GARRE1: variants seen among roughly 807,000 people sequenced by gnomAD.
GARRE1 encodes granule associated Rac and RHOG effector 1.
GARRE1 carries 49 observed loss-of-function variants against 103.2 expected under a neutral mutation model. That is an observed-to-expected ratio of 0.47 (90% CI 0.38 to 0.60). The LOEUF (loss-of-function observed/expected upper bound fraction) is 0.60. GARRE1 is among the 20% of genes least tolerant of loss of function. The pLI, the probability that GARRE1 is intolerant of heterozygous loss-of-function variation, is 0.00. For missense variants in GARRE1, 1,199 were observed against 1,370.5 expected, an observed-to-expected ratio of 0.87 and a Z score of 1.98; for synonymous variants, 505 against 532.8, an observed-to-expected ratio of 0.95 and a Z score of 0.72.
At chr19:34,269,800 GA>G (rs908208876) in intron 1 of GARRE1, among the ~76,000 whole-genome samples, 3 of 152,140 alleles carry the variant, frequency 2.0e-5, no homozygotes, top group African/African-American at 7.2e-5. Context: ...CCTTTTCATT[GA>G]TATTTTTTAC....
intron 1 of GARRE1, among the ~76,000 whole-genome samples, chr19:34,290,492 C>A (rs904190984): frequency 6.6e-6 from 1 of 152,044 alleles, no homozygotes; most frequent in Admixed American, 6.6e-5. Context: ...ACCACAAAGC[C>A]TTTTTTTCTC....
At chr19:34,266,520 C>T (rs558548860) in intron 1 of GARRE1, among the ~76,000 whole-genome samples, 1 of 152,238 alleles carries the variant, frequency 6.6e-6, no homozygotes, top group South Asian at 2.1e-4. Context: ...TGCCACCATG[C>T]CCAGCTAATG....
At chr19:34,301,596 G>A (rs2073979472) in intron 2 of GARRE1, among the ~76,000 whole-genome samples, 1 of 149,692 alleles carries the variant, frequency 6.7e-6, no homozygotes, top group African/African-American at 2.5e-5. Context: ...AAATTTTCAA[G>A]TCAGAACCTA....
At chr19:34,330,906 T>G (rs2074134905) in intron 7 of GARRE1, among the ~76,000 whole-genome samples, 1 of 151,148 alleles carries the variant, frequency 6.6e-6, no homozygotes, top group Non-Finnish European at 1.5e-5. Flanking sequence ...GGCTAATTTT[T>G]TTTTTTTTTT....
chr19:34,320,139 T>A (rs759957598), intron 3 of GARRE1, 23 bp downstream of exon 3: 1 of 1,603,114 alleles, frequency 6.2e-7, no homozygotes, highest in African/African-American at 1.3e-5. Flanking sequence ...TTGGGGAGAT[T>A]GGTGCCTGTG....
chr19:34,299,024 G>C (rs1187693413), intron 1 of GARRE1, among the ~76,000 whole-genome samples: 1 of 152,090 alleles, frequency 6.6e-6, no homozygotes, highest in Admixed American at 6.6e-5. Context: ...TGGAAGAATC[G>C]TGTCTGTAAA....
At chr19:34,283,830 C>CTTTTTTTTT (rs11335136) in intron 1 of GARRE1, among the ~76,000 whole-genome samples, 13 of 117,214 alleles carry the variant, frequency 1.1e-4, no homozygotes, top group Admixed American at 1.8e-4. Context: ...TTCTTTCTTT[C>CTTTTTTTTT]TTTTTTTTTT....
At chr19:34,333,858 T>C in intron 8 of GARRE1, 57 bp downstream of exon 8, 1 of 1,024,134 alleles carries the variant, frequency 9.8e-7, no homozygotes, top group South Asian at 1.3e-5. Context: ...TTGCACATCT[T>C]TGAAATGATG....
intron 1 of GARRE1, among the ~76,000 whole-genome samples, chr19:34,258,341 A>T (rs753061570): frequency 4.1e-4 from 62 of 152,236 alleles, no homozygotes; most frequent in Admixed American, 1.4e-3. Flanking sequence ...TATCCAGTAT[A>T]TGAGTCCTGG....
At chr19:34,287,579 A>T (rs566268614) in intron 1 of GARRE1, among the ~76,000 whole-genome samples, 1 of 152,320 alleles carries the variant, frequency 6.6e-6, no homozygotes, top group South Asian at 2.1e-4. Flanking sequence ...CTACAGACAG[A>T]TTTACTGTCA....
intron 10 of GARRE1, among the ~76,000 whole-genome samples, chr19:34,347,465 G>A (rs12165124): frequency 2.2e-4 from 34 of 152,282 alleles, no homozygotes; most frequent in East Asian, 1.9e-4. Flanking sequence ...GGGCTCAAGC[G>A]ATCTGCCCAC....
chr19:34,261,972 C>T (rs1327976887), intron 1 of GARRE1, among the ~76,000 whole-genome samples: 1 of 152,002 alleles, frequency 6.6e-6, no homozygotes, highest in African/African-American at 2.4e-5. Context: ...TGTCACATGT[C>T]ACCTGGTAGG....
rs35417822 is a variant in GARRE1, at chr19:34,301,982, CTTTTTTTTTTTTTTT to C, written c.495+1027_495+1041del. ...ACAGGTGTGAGCCACTGCGCCCAGC[CTTTTTTTTTTTTTTT>C]TTTTTTTTTTTTAAGTCAGTTTCGC... On this transcript the variant is annotated intron_variant, in intron 2 of 13. Transcript: ENST00000299505. Among the ~76,000 whole-genome samples the C allele has an allele frequency of 1.0e-4, 5 of 50,030 alleles. 1 individual carries two copies. Among genetic ancestry groups the C allele is most frequent in the Admixed American group, 3.7e-4 (1 of 2,678 alleles). The allele number at this position is 50,030 out of a possible 152,430, so 32.8% of individuals were successfully genotyped here. A position where few individuals can be genotyped will look rare whatever the true frequency, so the allele number is the denominator to read the frequency against.
chr19:34,280,760 A>G (rs1424910775), intron 1 of GARRE1, among the ~76,000 whole-genome samples: 1 of 152,080 alleles, frequency 6.6e-6, no homozygotes, highest in Admixed American at 6.6e-5. Context: ...ACATGAGCCT[A>G]GTAGTGTTAT....
intron 1 of GARRE1, among the ~76,000 whole-genome samples, chr19:34,263,892 G>A (rs7359931): frequency 0.77 from 117,793 of 152,058 alleles, 46,241 homozygotes; most frequent in African/African-American, 0.82. Flanking sequence ...ACTGTGCAAG[G>A]CGGCTTGGGT....
chr19:34,328,342 C>T (rs1326467173), intron 6 of GARRE1, among the ~76,000 whole-genome samples, 191 bp downstream of exon 6: 1 of 151,874 alleles, frequency 6.6e-6, no homozygotes, highest in Non-Finnish European at 1.5e-5. Flanking sequence ...CCAGCCTGAT[C>T]AACATGGTGA....
Position 34,341,911 on chromosome 19 carries a change from C to T in GARRE1, c.1977C>T (p.Gly659=). 6.2e-7 allele frequency: 1 copy of T among 1,614,144 alleles called. No homozygotes were observed. Among genetic ancestry groups the T allele is most frequent in the Non-Finnish European group, 8.5e-7 (1 of 1,180,034 alleles). ...VIDFLSGFNM[G]QSHQGSPLVT... is the part of the protein sequence containing the mutation. ...ATTTTCTCTCGGGCTTTAACATGGG[C>T]CAGTCACATCAGGGCTCTCCGTTGG... Residue 659 remains glycine, a synonymous_variant, in exon 10 of 14, where the codon GGC becomes GGT. Coordinates refer to ENST00000299505, the MANE Select transcript of GARRE1 (RefSeq NM_014686.5).
At chr19:34,330,901 A>ATTTT (rs35469834) in intron 7 of GARRE1, among the ~76,000 whole-genome samples, 1 of 138,400 alleles carries the variant, frequency 7.2e-6, no homozygotes, top group African/African-American at 2.7e-5. Context: ...CATCTGGCTA[A>ATTTT]TTTTTTTTTT....
chr19:34,292,026 T>C (rs1379715519), intron 1 of GARRE1, among the ~76,000 whole-genome samples: 1 of 151,732 alleles, frequency 6.6e-6, no homozygotes, highest in Non-Finnish European at 1.5e-5. Flanking sequence ...ACCTGGCTAA[T>C]TTTTTTTGTA....
Sources: gnomAD v4.1 joint callset for allele counts (sites outside exome capture counted in the v4.1 genomes callset) on GRCh38, gnomAD v4.1.1 for gene constraint, MANE v1.5 for transcripts, NCBI Gene and HGNC (gene_info 2026-07-23, HGNC 2026-07-21) for gene names.